SHROOM3: variants seen among roughly 807,000 people sequenced by gnomAD.
The protein encoded by SHROOM3 is protein Shroom3.
A neutral mutation model predicts 138.6 loss-of-function variants in SHROOM3; 47 were observed. That is an observed-to-expected ratio of 0.34 (90% CI 0.27 to 0.43). The LOEUF (loss-of-function observed/expected upper bound fraction) is 0.43. Ranked by LOEUF, SHROOM3 falls within the 20% of genes least tolerant of loss-of-function variation. The probability of loss-of-function intolerance (pLI) is 1.00; values close to 1 mark genes in which losing one functional copy is unlikely to be tolerated. For missense variants in SHROOM3, 2,491 were observed against 2,596.5 expected, an observed-to-expected ratio of 0.96 and a Z score of 0.88; for synonymous variants, 1,062 against 1,063.3, an observed-to-expected ratio of 1.00 and a Z score of 0.02.
intron 1 of SHROOM3, among the ~76,000 whole-genome samples, chr4:76,546,916 T>C (rs1733232205): frequency 6.6e-6 from 1 of 152,234 alleles, no homozygotes. Context: ...GGCTAAATTC[T>C]GCTGTGGTAG....
chr4:76,551,377 A>G (rs1198984992), intron 1 of SHROOM3, among the ~76,000 whole-genome samples: 4 of 152,184 alleles, frequency 2.6e-5, no homozygotes, highest in African/African-American at 9.7e-5. Context: ...TTTTAATATA[A>G]GAAATTGATT....
chr4:76,601,926 C>CA (rs554528421), intron 2 of SHROOM3, among the ~76,000 whole-genome samples: 6 of 152,160 alleles, frequency 3.9e-5, no homozygotes, highest in Non-Finnish European at 5.9e-5. Flanking sequence ...ATTGTGACTG[C>CA]AAAAAAACAA....
rs557353139 is a variant in SHROOM3, at chr4:76,664,304, C to T, written c.324-45852C>T. 2.6e-5 allele frequency among the ~76,000 whole-genome samples: 4 copies of T among 152,346 alleles called. No individual in the cohort carries two copies. In the East Asian group the frequency reaches 7.7e-4, roughly 29 times the overall value. ...AGTTTGCCTAGAAAAGCCACTTTCTCATCTAAAGAGCTTACTGAACCTAAC... is the reference window on the plus strand; with the variant it reads ...AGTTTGCCTAGAAAAGCCACTTTCTTATCTAAAGAGCTTACTGAACCTAAC... On this transcript the variant is annotated intron_variant, in intron 2 of 10. Transcript: ENST00000296043. The surrounding 1 kb of genome is among the most constrained non-coding windows in gnomAD (Gnocchi z 4.2).
chr4:76,614,117 G>A (rs1290039446), intron 2 of SHROOM3, among the ~76,000 whole-genome samples: 1 of 152,070 alleles, frequency 6.6e-6, no homozygotes, highest in Non-Finnish European at 1.5e-5. Flanking sequence ...GTGCAGTGGC[G>A]AGATCTCGGC....
intron 2 of SHROOM3, among the ~76,000 whole-genome samples, chr4:76,597,230 A>C (rs1475784040): frequency 7.9e-5 from 12 of 152,228 alleles, no homozygotes; most frequent in Admixed American, 7.9e-4. Flanking sequence ...TGGTGGCTGT[A>C]TTCCTTTTGG....
chr4:76,441,129 G>A (rs1191680198), intron 1 of SHROOM3, among the ~76,000 whole-genome samples: 42 of 113,750 alleles, frequency 3.7e-4, no homozygotes, highest in East Asian at 9.1e-4. Context: ...TCACTCTGTC[G>A]CCCAGGCTGG....
At chr4:76,513,372 A>G (rs989054200) in intron 1 of SHROOM3, among the ~76,000 whole-genome samples, 1 of 151,750 alleles carries the variant, frequency 6.6e-6, no homozygotes, top group Non-Finnish European at 1.5e-5. Context: ...TACCCATGCC[A>G]GCATGATATT....
intron 2 of SHROOM3, among the ~76,000 whole-genome samples, chr4:76,560,013 G>GA (rs1733568008): frequency 6.6e-6 from 1 of 152,074 alleles, no homozygotes; most frequent in Non-Finnish European, 1.5e-5. Context: ...GTGGGTCAGA[G>GA]AAAAAACATT....
intron 1 of SHROOM3, chr4:76,509,793 C>T (rs1732293279): frequency 6.6e-6 from 1 of 151,994 alleles, no homozygotes; most frequent in Admixed American, 6.6e-5. Context: ...GGACATTTAC[C>T]CAATTTTTAC....
intron 1 of SHROOM3, among the ~76,000 whole-genome samples, chr4:76,441,139 G>GAGTGC (rs558750950): frequency 7.9e-6 from 1 of 126,340 alleles, no homozygotes; most frequent in Non-Finnish European, 1.6e-5. Context: ...GCCCAGGCTG[G>GAGTGC]AGTGCAGTGC....
In SHROOM3 at chr4:76,770,743, A is replaced by G; in HGVS notation, c.5467A>G (p.Ser1823Gly). The G allele has an allele frequency of 1.2e-6, 2 of 1,614,210 alleles. No homozygotes were observed. The highest frequency in any genetic ancestry group is 4.5e-5 in the East Asian group (2 of 44,868). The change falls in exon 10 of 11, where the codon AGC becomes GGC. Residue 1823 changes from serine (S) to glycine (G), a missense_variant. Physicochemically the swap from Ser to Gly is moderately conservative, Grantham distance 56. Around this residue, in one of 4 missense-constraint regions of SHROOM3, gnomAD observed 470 missense variants for 595.0 expected, o/e 0.79. Coordinates refer to ENST00000296043, the MANE Select transcript of SHROOM3 (RefSeq NM_020859.4). Reference protein sequence around the residue: ...ALGEEVEALISELCKPNEFDK... With the variant: ...ALGEEVEALIGELCKPNEFDK... Reference sequence around the variant, plus strand: ...GGGAGAAGAGGTGGAGGCTCTGATCAGCGAGCTCTGCAAGCCCAATGAGTT... The same window carrying G: ...GGGAGAAGAGGTGGAGGCTCTGATCGGCGAGCTCTGCAAGCCCAATGAGTT...
intron 1 of SHROOM3, among the ~76,000 whole-genome samples, chr4:76,514,692 A>G (rs1415540326): frequency 6.6e-6 from 1 of 152,244 alleles, no homozygotes; most frequent in Non-Finnish European, 1.5e-5. Context: ...TCAATAATAT[A>G]TGAAGCGTGA....
chr4:76,643,800 C>T (rs1735742591), intron 2 of SHROOM3, among the ~76,000 whole-genome samples: 1 of 152,146 alleles, frequency 6.6e-6, no homozygotes, highest in Non-Finnish European at 1.5e-5. Context: ...TATCCTCCTA[C>T]CCCCAAATCA....
intron 2 of SHROOM3, among the ~76,000 whole-genome samples, chr4:76,556,954 C>T (rs894413486): frequency 5.3e-5 from 8 of 152,126 alleles, no homozygotes; most frequent in African/African-American, 1.9e-4. Context: ...ACAGGGCCAT[C>T]AACCAGCAAT....
chr4:76,741,357 G>A lies in SHROOM3; in HGVS notation c.3184G>A (p.Glu1062Lys), dbSNP rs770488289. ...CGTGGCCGACCGGCGCCGTCTCTTC[G>A]AGCGCGATGGCAAGGCCTGCTCCAC... Reference protein sequence around the residue: ...SSVADRRRLFERDGKACSTLS... With the variant: ...SSVADRRRLFKRDGKACSTLS... Residue 1062 changes from glutamate to lysine, a missense_variant, in exon 5 of 11, where the codon GAG becomes AAG. Around this residue, in one of 4 missense-constraint regions of SHROOM3, gnomAD observed 1,733 missense variants for 1,661.6 expected, o/e 1.04. Coordinates refer to ENST00000296043, the MANE Select transcript of SHROOM3 (RefSeq NM_020859.4). The surrounding 1 kb of genome is among the most constrained non-coding windows in gnomAD (Gnocchi z 6.2). 22 of 1,607,992 alleles carry A rather than the reference G, an allele frequency of 1.4e-5. No individual in the cohort carries two copies. In the African/African-American group the frequency reaches 2.4e-4, roughly 18 times the overall value.
intron 1 of SHROOM3, among the ~76,000 whole-genome samples, chr4:76,454,130 G>A (rs1481091136): frequency 1.3e-5 from 2 of 152,172 alleles, no homozygotes; most frequent in East Asian, 1.9e-4. Flanking sequence ...TGCAACCTCC[G>A]CCTCCTGGGT....
intron 1 of SHROOM3, among the ~76,000 whole-genome samples, chr4:76,504,184 G>T (rs935252048): frequency 6.6e-6 from 1 of 151,976 alleles, no homozygotes; most frequent in Non-Finnish European, 1.5e-5. Flanking sequence ...TTGAAACGGA[G>T]TTTTACACTT....
At chr4:76,604,733 A>C (rs1423197923) in intron 2 of SHROOM3, among the ~76,000 whole-genome samples, 1 of 152,266 alleles carries the variant, frequency 6.6e-6, no homozygotes, top group East Asian at 1.9e-4. Context: ...AAACAGAAAT[A>C]GCAGGGATGT....
chr4:76,476,344 A>G (rs1731484978), intron 1 of SHROOM3, among the ~76,000 whole-genome samples: 1 of 152,204 alleles, frequency 6.6e-6, no homozygotes, highest in African/African-American at 2.4e-5. Flanking sequence ...TGTGTTAATT[A>G]TATGACCTCC....
Sources: allele counts gnomAD v4.1 joint callset (sites outside exome capture counted in the v4.1 genomes callset), GRCh38; gene constraint gnomAD v4.1.1; regional missense constraint gnomAD v4.1.1; non-coding constraint Gnocchi (gnomAD v3.1); transcripts MANE v1.5; gene names NCBI Gene and HGNC (gene_info 2026-07-23, HGNC 2026-07-21).